DENND1B: variants seen among roughly 807,000 people sequenced by gnomAD.
DENND1B encodes DENN domain-containing protein 1B.
In DENND1B, 59 loss-of-function variants were observed where a neutral mutation model predicts 90.1. That is an observed-to-expected ratio of 0.65 (90% CI 0.53 to 0.81). DENND1B has a LOEUF of 0.81. Ranked by LOEUF, DENND1B falls within the 40% of genes least tolerant of loss-of-function variation. DENND1B has a pLI of 0.00. For synonymous variants in DENND1B, 337 were observed against 324.6 expected (o/e 1.04, Z -0.41); for missense variants, 862 against 912.6 (o/e 0.94, Z 0.71).
intron 2 of DENND1B, among the ~76,000 whole-genome samples, chr1:197,727,925 A>G (rs912920885): frequency 6.6e-5 from 10 of 152,150 alleles, no homozygotes; most frequent in African/African-American, 1.9e-4. Context: ...CCAATGTCCA[A>G]CTAAATATCT....
At chr1:197,692,154 A>C (rs887855841) in intron 3 of DENND1B, among the ~76,000 whole-genome samples, 11 of 151,584 alleles carry the variant, frequency 7.3e-5, no homozygotes, top group African/African-American at 2.4e-4. Context: ...TCTCAAATCC[A>C]TTCCCTTTCC....
intron 2 of DENND1B, chr1:197,736,001 C>A: frequency 1.9e-6 from 2 of 1,044,946 alleles, no homozygotes; most frequent in Non-Finnish European, 2.9e-6. Context: ...AGCAAAGTAT[C>A]TAAAAACACT....
chr1:197,570,496 G>C (rs1423813968), intron 15 of DENND1B, among the ~76,000 whole-genome samples: 1 of 152,016 alleles, frequency 6.6e-6, no homozygotes, highest in African/African-American at 2.4e-5. Flanking sequence ...ACAAAACTAA[G>C]ATTTTTCAAT....
intron 2 of DENND1B, among the ~76,000 whole-genome samples, chr1:197,728,475 T>C (rs1312194465): frequency 6.6e-6 from 1 of 152,206 alleles, no homozygotes; most frequent in Non-Finnish European, 1.5e-5. Context: ...CCTTGACTAG[T>C]GTCCAACACT....
At chr1:197,679,544 T>C (rs1022562398) in intron 3 of DENND1B, among the ~76,000 whole-genome samples, 7 of 151,512 alleles carry the variant, frequency 4.6e-5, no homozygotes, top group African/African-American at 1.7e-4. Flanking sequence ...GGAATTTTGG[T>C]ATCCATGGGG....
intron 15 of DENND1B, among the ~76,000 whole-genome samples, chr1:197,572,978 T>A (rs996757272): frequency 6.6e-6 from 1 of 152,202 alleles, no homozygotes; most frequent in Non-Finnish European, 1.5e-5. Context: ...GTGGGATCGG[T>A]GGTGATATCC....
intron 13 of DENND1B, among the ~76,000 whole-genome samples, chr1:197,596,694 C>T (rs1247073864): frequency 6.6e-6 from 1 of 151,752 alleles, no homozygotes; most frequent in Non-Finnish European, 1.5e-5. Context: ...CACATGCACA[C>T]ATATATCTAT....
intron 15 of DENND1B, among the ~76,000 whole-genome samples, chr1:197,566,021 G>A (rs1672628757): frequency 6.6e-6 from 1 of 151,842 alleles, no homozygotes; most frequent in Admixed American, 6.6e-5. Context: ...GGGATGGCTG[G>A]GTCAAATGGT....
chr1:197,570,167 AG>A (rs1474648776), intron 15 of DENND1B, among the ~76,000 whole-genome samples: 1 of 151,662 alleles, frequency 6.6e-6, no homozygotes, highest in Non-Finnish European at 1.5e-5. Flanking sequence ...CTGAGGTGAG[AG>A]GATCACCTGA....
intron 2 of DENND1B, among the ~76,000 whole-genome samples, chr1:197,737,553 A>C (rs577993236): frequency 6.6e-6 from 1 of 152,080 alleles, no homozygotes; most frequent in Non-Finnish European, 1.5e-5. Context: ...GATTTTTTGC[A>C]CTCTATTAGA....
intron 16 of DENND1B, among the ~76,000 whole-genome samples, chr1:197,551,736 A>G (rs1050962460): frequency 6.6e-6 from 1 of 152,156 alleles, no homozygotes; most frequent in African/African-American, 2.4e-5. Context: ...TTATGTAAAT[A>G]CCGAATAGAT....
intron 9 of DENND1B, among the ~76,000 whole-genome samples, chr1:197,644,547 G>A (rs550540721): frequency 2.6e-5 from 4 of 152,314 alleles, no homozygotes; most frequent in African/African-American, 9.6e-5. Context: ...GACATGGTCA[G>A]TCAGCCTTAA....
intron 10 of DENND1B, among the ~76,000 whole-genome samples, chr1:197,623,278 T>C (rs1230098902): frequency 6.6e-6 from 1 of 151,510 alleles, no homozygotes; most frequent in Admixed American, 6.6e-5. Context: ...CATAAATAAC[T>C]ATAAGTATAA....
chr1:197,734,501 T>G, intron 2 of DENND1B: 1 of 975,708 alleles, frequency 1.0e-6, no homozygotes, highest in African/African-American at 1.8e-5. Context: ...TTTAATAAGC[T>G]CATATTGAAA....
chr1:197,644,574 G>A (rs1680564881), intron 9 of DENND1B, among the ~76,000 whole-genome samples: 1 of 152,112 alleles, frequency 6.6e-6, no homozygotes, highest in East Asian at 1.9e-4. Context: ...CATTAACAAG[G>A]AGTACCTGGC....
chr1:197,623,381 C>T (rs991614339), intron 10 of DENND1B, among the ~76,000 whole-genome samples: 3 of 151,156 alleles, frequency 2.0e-5, no homozygotes, highest in African/African-American at 7.3e-5. Flanking sequence ...TGTTTAAACA[C>T]ATTTAATTTA....
chr1:197,592,206 A>G (rs1440857371), intron 14 of DENND1B, among the ~76,000 whole-genome samples: 1 of 151,934 alleles, frequency 6.6e-6, no homozygotes, highest in Non-Finnish European at 1.5e-5. Flanking sequence ...AAAAAAACAG[A>G]TTCAAACCTA....
chr1:197,515,106 G>A (rs1216151718), intron 20 of DENND1B, among the ~76,000 whole-genome samples: 1 of 151,608 alleles, frequency 6.6e-6, no homozygotes, highest in Non-Finnish European at 1.5e-5. Context: ...CAGCCACAAA[G>A]AGTAAGCAAA....
Position 197,504,831 on chromosome 1 carries a change from A to G in DENND1B, c.*5629T>C, listed in dbSNP as rs1019444877. On this transcript the variant is annotated 3_prime_UTR_variant, in exon 23 of 23. Coordinates refer to ENST00000620048, the MANE Select transcript of DENND1B (RefSeq NM_001195215.2). ...GATTTTATTCAATATTTATTTTTGC[A>G]TATTTTTAAAAAAATTCCCAAAGCG... 1 of 151,796 alleles carries G rather than the reference A, an allele frequency of 6.6e-6. No homozygotes were observed. Among genetic ancestry groups the G allele is most frequent in the African/African-American group, 2.4e-5 (1 of 41,386 alleles). 9.4% of individuals were successfully genotyped at this position (151,796 alleles called of 1,614,324 possible). A position where few individuals can be genotyped will look rare whatever the true frequency, so the allele number is the denominator to read the frequency against.
Sources: allele counts gnomAD v4.1 joint callset (sites outside exome capture counted in the v4.1 genomes callset), GRCh38; gene constraint gnomAD v4.1.1; transcripts MANE v1.5; gene names NCBI Gene and HGNC (gene_info 2026-07-23, HGNC 2026-07-21).